ERC2: variants seen among roughly 807,000 people sequenced by gnomAD.
ERC2 encodes ERC protein 2.
In ERC2, 42 loss-of-function variants were observed where a neutral mutation model predicts 114.8. The observed-to-expected ratio is 0.37, with a 90% CI of 0.29 to 0.47. The LOEUF is 0.47. ERC2 is among the 20% of genes least tolerant of loss of function. The probability of loss-of-function intolerance (pLI) is 0.99; values close to 1 mark genes in which losing one functional copy is unlikely to be tolerated. For synonymous variants in ERC2, 454 were observed against 425.5 expected, an observed-to-expected ratio of 1.07 and a Z score of -0.82; for missense variants, 939 against 1,150.7, an observed-to-expected ratio of 0.82 and a Z score of 2.66.
At chr3:55,564,554 A>G (rs891834326) in intron 17 of ERC2, among the ~76,000 whole-genome samples, 2 of 152,186 alleles carry the variant, frequency 1.3e-5, no homozygotes, top group African/African-American at 2.4e-5. Flanking sequence ...TGTCCACTCC[A>G]CTAAGTACAC....
At chr3:55,823,157 T>TGAGCTGGCTTCATGAGA (rs2060195600) in intron 14 of ERC2, among the ~76,000 whole-genome samples, 1 of 152,158 alleles carries the variant, frequency 6.6e-6, no homozygotes, top group African/African-American at 2.4e-5. Flanking sequence ...CCATTGTAAT[T>TGAGCTGGCTTCATGAGA]GAGCTGGCTT....
chr3:55,842,297 C>T (rs2061168457), intron 14 of ERC2, among the ~76,000 whole-genome samples: 1 of 152,124 alleles, frequency 6.6e-6, no homozygotes, highest in South Asian at 2.1e-4. Context: ...CCCTTTTAGA[C>T]AACCATGAGT....
chr3:55,947,966 A>G lies in ERC2; in HGVS notation c.2403+2459T>C, dbSNP rs573128875. On this transcript the variant is annotated intron_variant, in intron 13 of 17. Transcript: ENST00000288221. ...TTTGCAATTTCTGTCGGAAAACTGT[A>G]AACTTATGAAATAAAGAAGACTGGA... is the stretch of plus-strand genomic sequence containing the variant. Among the ~76,000 whole-genome samples, 4 of 152,326 alleles carry G rather than the reference A, an allele frequency of 2.6e-5. No homozygotes were observed. In the South Asian group the frequency reaches 8.3e-4, roughly 32 times the overall value.
At chr3:55,818,145 C>T (rs1194812644) in intron 14 of ERC2, among the ~76,000 whole-genome samples, 1 of 152,154 alleles carries the variant, frequency 6.6e-6, no homozygotes, top group African/African-American at 2.4e-5. Context: ...CCAGAGCTGT[C>T]CTGGAAGGAG....
chr3:55,541,013 C>T (rs901336299), intron 17 of ERC2, among the ~76,000 whole-genome samples: 35 of 152,244 alleles, frequency 2.3e-4, no homozygotes, highest in Admixed American at 7.8e-4. Context: ...TATATATAAA[C>T]ATCAAAGTTT....
intron 2 of ERC2, among the ~76,000 whole-genome samples, chr3:56,375,965 G>C (rs2059525918): frequency 6.6e-6 from 1 of 152,158 alleles, no homozygotes; most frequent in Non-Finnish European, 1.5e-5. Flanking sequence ...CAGCCCATGA[G>C]AAACTGATGC....
At chr3:56,196,598 C>A (rs969559693) in intron 3 of ERC2, among the ~76,000 whole-genome samples, 1 of 151,396 alleles carries the variant, frequency 6.6e-6, no homozygotes, top group Non-Finnish European at 1.5e-5. Context: ...AAACCATCAA[C>A]CTGTCCACAA....
At chr3:55,542,269 A>G (rs950871948) in intron 17 of ERC2, among the ~76,000 whole-genome samples, 1 of 152,188 alleles carries the variant, frequency 6.6e-6, no homozygotes, top group Non-Finnish European at 1.5e-5. Context: ...AGATCATTGA[A>G]GATTGTATCA....
At chr3:55,960,515 T>A (rs921017851) in intron 12 of ERC2, among the ~76,000 whole-genome samples, 1 of 152,162 alleles carries the variant, frequency 6.6e-6, no homozygotes, top group Non-Finnish European at 1.5e-5. Flanking sequence ...CTCCTATCAC[T>A]GAGAATCTCT....
chr3:56,245,942 TA>T (rs1007912245), intron 3 of ERC2, among the ~76,000 whole-genome samples: 4 of 152,130 alleles, frequency 2.6e-5, no homozygotes, highest in Non-Finnish European at 5.9e-5. Context: ...TTTAGCAGCT[TA>T]ATCCCCAAAT....
At chr3:56,120,647 T>C (rs17056472) in intron 6 of ERC2, among the ~76,000 whole-genome samples, 26,665 of 152,176 alleles carry the variant, frequency 0.18, 2,892 homozygotes, top group African/African-American at 0.29. Flanking sequence ...ATGGAGGGAA[T>C]GTCCACAGAA....
At chr3:56,173,680 T>C in intron 3 of ERC2, 160 bp from the exon 4 acceptor site, 1 of 594,212 alleles carries the variant, frequency 1.7e-6, no homozygotes, top group Non-Finnish European at 2.9e-6. Flanking sequence ...GCATCCCTCC[T>C]GCCTGGAGCC....
At chr3:56,299,118 TGTTTTTTTTTTTG>T (rs2055671243) in intron 2 of ERC2, among the ~76,000 whole-genome samples, 2 of 133,692 alleles carry the variant, frequency 1.5e-5, no homozygotes, top group Non-Finnish European at 1.6e-5. Context: ...TTTTTTTTTT[TGTTTTTTTTTTTG>T]TTTGTTTGTT....
intron 4 of ERC2, among the ~76,000 whole-genome samples, chr3:56,152,594 CT>C (rs1341387429): frequency 8.6e-5 from 13 of 151,970 alleles, no homozygotes; most frequent in African/African-American, 2.7e-4. Context: ...TTCAAACAGT[CT>C]CGAGATAGGG....
intron 12 of ERC2, among the ~76,000 whole-genome samples, chr3:55,957,734 G>A (rs534661179): frequency 5.9e-5 from 9 of 152,104 alleles, no homozygotes; most frequent in Non-Finnish European, 7.4e-5. Flanking sequence ...TGGGGAGGAG[G>A]GGGGGGCAGC....
intron 6 of ERC2, among the ~76,000 whole-genome samples, chr3:56,132,491 A>G (rs1313446708): frequency 6.6e-6 from 1 of 152,174 alleles, no homozygotes; most frequent in East Asian, 1.9e-4. Context: ...TCCCTGAAGA[A>G]ATTATCATTG....
chr3:55,733,864 T>C (rs1202170402), intron 15 of ERC2, among the ~76,000 whole-genome samples: 2 of 152,140 alleles, frequency 1.3e-5, no homozygotes, highest in Non-Finnish European at 2.9e-5. Flanking sequence ...CAGAGCCACA[T>C]AAGGCCCTAG....
intron 6 of ERC2, among the ~76,000 whole-genome samples, chr3:56,123,088 G>C (rs766936447): frequency 1.6e-4 from 24 of 152,020 alleles, no homozygotes; most frequent in Non-Finnish European, 2.9e-4. Flanking sequence ...CCAGTAATTT[G>C]TCCTCGATTC....
intron 17 of ERC2, among the ~76,000 whole-genome samples, chr3:55,565,080 G>T (rs551707327): frequency 6.6e-6 from 1 of 152,162 alleles, no homozygotes; most frequent in Non-Finnish European, 1.5e-5. Context: ...AGAGCAGCAG[G>T]TTAAAGGAAC....
Sources: allele counts gnomAD v4.1 joint callset (sites outside exome capture counted in the v4.1 genomes callset), GRCh38; gene constraint gnomAD v4.1.1; transcripts MANE v1.5; gene names NCBI Gene and HGNC (gene_info 2026-07-23, HGNC 2026-07-21).